The following KDM5B variants were observed in gnomAD, a reference collection of about 807,000 sequenced individuals.
KDM5B encodes the protein lysine-specific demethylase 5B.
KDM5B carries 144 observed loss-of-function variants against 193.4 expected under a neutral mutation model. The ratio of observed to expected loss-of-function variants is 0.74; its 90% CI spans 0.65 to 0.86. The LOEUF is 0.86. Ranked by LOEUF, KDM5B falls within the 40% of genes least tolerant of loss-of-function variation. KDM5B has a pLI of 0.00. For missense variants in KDM5B, 1,833 were observed against 1,886.9 expected (o/e 0.97, Z 0.53); for synonymous variants, 668 against 682.6 (o/e 0.98, Z 0.33).
At chr1:202,766,506 T>TAA (rs747461789) in intron 5 of KDM5B, 332 of 392,802 alleles carry the variant, frequency 8.5e-4, no homozygotes, top group Admixed American at 1.7e-3. Context: ...ACTCTGTCTC[T>TAA]AAAAAAAAAA....
chr1:202,765,523 G>C (rs1332017525), intron 5 of KDM5B, among the ~76,000 whole-genome samples: 1 of 152,032 alleles, frequency 6.6e-6, no homozygotes, highest in Non-Finnish European at 1.5e-5. Context: ...ACAGCACTGG[G>C]GCATTTCTTA....
Position 202,728,761 on chromosome 1 carries a change from T to C in KDM5B, c.*275A>G. ...GTGCAAGCTTCAATGCCTTCCAAATTGGTGGGAACCCCTGCAAAAAAAACA... is the reference window on the plus strand; with the variant it reads ...GTGCAAGCTTCAATGCCTTCCAAATCGGTGGGAACCCCTGCAAAAAAAACA... On this transcript the variant is annotated 3_prime_UTR_variant, in exon 27 of 27. Coordinates refer to ENST00000367265, the MANE Select transcript of KDM5B (RefSeq NM_006618.5). 3.0e-6 allele frequency: 1 copy of C among 330,622 alleles called. No homozygotes were observed. The allele number at this position is 330,622 out of a possible 1,614,324, so 20.5% of individuals were successfully genotyped here. A position where few individuals can be genotyped will look rare whatever the true frequency, so the allele number is the denominator to read the frequency against.
intron 17 of KDM5B, 47 bp downstream of exon 17, chr1:202,742,608 A>T (rs761687941): frequency 6.2e-7 from 1 of 1,610,684 alleles, no homozygotes; most frequent in Non-Finnish European, 8.5e-7. Context: ...CAGGTTTCCA[A>T]ACATAGGTGC....
At chr1:202,796,272 C>T in intron 1 of KDM5B, 1 of 417,788 alleles carries the variant, frequency 2.4e-6, no homozygotes, top group Non-Finnish European at 4.9e-6. Flanking sequence ...AGCCTCTGTA[C>T]CTATGACCAA....
intron 23 of KDM5B, among the ~76,000 whole-genome samples, chr1:202,733,052 T>TA (rs1291799985): frequency 1.3e-5 from 2 of 152,054 alleles, no homozygotes; most frequent in Admixed American, 6.5e-5. Context: ...AGAAGCAGGG[T>TA]AAAAAACTTT....
chr1:202,745,535 T>A (rs1350685791), intron 16 of KDM5B, among the ~76,000 whole-genome samples: 1 of 151,794 alleles, frequency 6.6e-6, no homozygotes. Context: ...TTTGTTTTTT[T>A]AAAGATTTCA....
intron 4 of KDM5B, among the ~76,000 whole-genome samples, chr1:202,771,486 C>A (rs1421222359): frequency 6.6e-6 from 1 of 151,924 alleles, no homozygotes; most frequent in East Asian, 1.9e-4. Flanking sequence ...AACTCCTGAC[C>A]TCTGGGGATC....
In KDM5B at chr1:202,808,234, G is replaced by A; in HGVS notation, c.72C>T (p.Gly24=). Residue 24 remains glycine, a synonymous_variant, in exon 1 of 27, where the codon GGC becomes GGT. Coordinates refer to ENST00000367265, the MANE Select transcript of KDM5B (RefSeq NM_006618.5). ...ALPLGGPGPL[G]EFLPPPECPV... is the part of the protein sequence containing the mutation. Reference sequence around the variant, plus strand: ...GGCACTCGGGTGGAGGCAGGAACTCGCCCAGCGGGCCCGGGCCCCCGAGGG... The same window carrying A: ...GGCACTCGGGTGGAGGCAGGAACTCACCCAGCGGGCCCGGGCCCCCGAGGG... 1.2e-6 allele frequency: 2 copies of A among 1,611,964 alleles called. No homozygotes were observed. The highest frequency in any genetic ancestry group is 1.7e-6 in the Non-Finnish European group (2 of 1,179,462).
rs202004652 is a variant in KDM5B, at chr1:202,749,667, G to GT, written c.1822-529dup. On this transcript the variant is annotated intron_variant, in intron 13 of 26. Transcript: ENST00000367265. Reference sequence around the variant, plus strand: ...TCTTACATATCTTAATTAAAAAGTGGTTAAAAAAAAAAAAAAGACCCAGCA... The same window carrying GT: ...TCTTACATATCTTAATTAAAAAGTGGTTTAAAAAAAAAAAAAAGACCCAGCA... Among the ~76,000 whole-genome samples the GT allele has an allele frequency of 3.6e-3, 533 of 147,030 alleles. 1 individual carries two copies. The highest frequency in any genetic ancestry group is 4.5e-3 in the Non-Finnish European group (297 of 66,602).
chr1:202,732,675 G>T (rs1285271758), intron 23 of KDM5B, among the ~76,000 whole-genome samples: 1 of 150,946 alleles, frequency 6.6e-6, no homozygotes, highest in Admixed American at 6.6e-5. Flanking sequence ...TATAATCCAT[G>T]TGTCTGTGCT....
chr1:202,794,845 C>T (rs913241444), intron 1 of KDM5B, among the ~76,000 whole-genome samples: 2 of 152,118 alleles, frequency 1.3e-5, no homozygotes, highest in Non-Finnish European at 2.9e-5. Context: ...ACATACATAC[C>T]TATGATAAAA....
rs74901186 is a variant in KDM5B at position 202,767,916 on chromosome 1, G to A, written c.577-856C>T. On this transcript the variant is annotated intron_variant, in intron 4 of 26. Transcript: ENST00000367265. Reference sequence around the variant, plus strand: ...ATTAAAAATCTCATTTTTAACAAGTGTTCGGAATAAAAAAAAATAAGGAAT... The same window carrying A: ...ATTAAAAATCTCATTTTTAACAAGTATTCGGAATAAAAAAAAATAAGGAAT... Among the ~76,000 whole-genome samples, 206 of 151,996 alleles carry A rather than the reference G, an allele frequency of 1.4e-3. 1 individual carries two copies. The highest frequency in any genetic ancestry group is 2.9e-3 in the African/African-American group (122 of 41,468).
At position 202,808,388 on chromosome 1, in the gene KDM5B, A is replaced by G; in HGVS notation, c.-83T>C. The G allele has an allele frequency of 7.7e-7, 1 of 1,304,336 alleles. No individual in the cohort carries two copies. Among genetic ancestry groups the G allele is most frequent in the South Asian group, 1.5e-5 (1 of 66,312 alleles). The allele number at this position is 1,304,336 out of a possible 1,614,324, so 80.8% of individuals were successfully genotyped here. The stretch of plus-strand genomic sequence containing the variant: ...TCCGCTCGGTCCGAGACCCGTGCAG[A>G]CGCGGCTCGAGCAACAGCAAGTCCG... On this transcript the variant is annotated 5_prime_UTR_variant, in exon 1 of 27. Coordinates refer to ENST00000367265, the MANE Select transcript of KDM5B (RefSeq NM_006618.5).
At chr1:202,763,916 C>T in intron 6 of KDM5B, 133 bp downstream of exon 6, 1 of 584,220 alleles carries the variant, frequency 1.7e-6, no homozygotes, top group South Asian at 2.2e-5. Context: ...AACCCAGTGA[C>T]TACTATGTAC....
intron 9 of KDM5B, 28 bp downstream of exon 9, chr1:202,758,363 T>C (rs771679243): frequency 1.3e-6 from 2 of 1,547,834 alleles, no homozygotes; most frequent in African/African-American, 1.4e-5. Flanking sequence ...ATTAAAATCC[T>C]AAATCAAAGC....
chr1:202,734,085 T>C (rs541386249), intron 22 of KDM5B, among the ~76,000 whole-genome samples, 199 bp from the exon 23 acceptor site: 8 of 152,104 alleles, frequency 5.3e-5, no homozygotes, highest in Admixed American at 4.6e-4. Context: ...AAAATGGAGG[T>C]GATAATAGTG....
At chr1:202,797,810 C>T (rs1483486613) in intron 1 of KDM5B, among the ~76,000 whole-genome samples, 3 of 152,262 alleles carry the variant, frequency 2.0e-5, no homozygotes, top group African/African-American at 4.8e-5. Flanking sequence ...TATACATGCA[C>T]TACATAAGAC....
chr1:202,739,195 A>T (rs1655206243), intron 20 of KDM5B, among the ~76,000 whole-genome samples: 1 of 152,230 alleles, frequency 6.6e-6, no homozygotes, highest in African/African-American at 2.4e-5. Context: ...TCACTACTTC[A>T]TTGTTAGCTC....
chr1:202,744,726 G>A (rs1228046807), intron 16 of KDM5B, among the ~76,000 whole-genome samples: 1 of 152,196 alleles, frequency 6.6e-6, no homozygotes, highest in African/African-American at 2.4e-5. Context: ...AACGATTGTG[G>A]AAGACAGTGT....
Sources: allele counts gnomAD v4.1 joint callset (sites outside exome capture counted in the v4.1 genomes callset), GRCh38; gene constraint gnomAD v4.1.1; transcripts MANE v1.5; gene names NCBI Gene and HGNC (gene_info 2026-07-23, HGNC 2026-07-21).